PRKCE: variants seen among roughly 807,000 people sequenced by gnomAD.
PRKCE encodes the protein protein kinase C epsilon, also known as protein kinase C epsilon type.
PRKCE carries 16 observed loss-of-function variants against 85.4 expected under a neutral mutation model. That is an observed-to-expected ratio of 0.19 (90% confidence interval 0.13 to 0.28). PRKCE has a LOEUF of 0.28. PRKCE is among the 10% of genes least tolerant of loss of function. PRKCE has a pLI of 1.00. For missense variants in PRKCE, 573 were observed against 975.2 expected, an observed-to-expected ratio of 0.59 and a Z score of 5.49; for synonymous variants, 388 against 371.5, an observed-to-expected ratio of 1.04 and a Z score of -0.51.
chr2:45,879,244 C>T (rs1410116512), intron 2 of PRKCE, among the ~76,000 whole-genome samples: 5 of 152,166 alleles, frequency 3.3e-5, no homozygotes, highest in African/African-American at 7.2e-5. Context: ...GGCGGGACTT[C>T]GAAGAAGAGT....
chr2:45,983,356 T>G (rs1470268388), intron 5 of PRKCE, among the ~76,000 whole-genome samples: 1 of 152,110 alleles, frequency 6.6e-6, no homozygotes, highest in Non-Finnish European at 1.5e-5. Context: ...GCCAGCCACT[T>G]CCTAATCCCC....
chr2:46,148,679 G>A (rs530687990), intron 12 of PRKCE, among the ~76,000 whole-genome samples: 1 of 152,358 alleles, frequency 6.6e-6, no homozygotes, highest in South Asian at 2.1e-4. Context: ...ACAGCACTGG[G>A]CTCAGTAGCA....
At chr2:45,657,588 A>G (rs985879322) in intron 1 of PRKCE, among the ~76,000 whole-genome samples, 3 of 152,174 alleles carry the variant, frequency 2.0e-5, no homozygotes, top group Non-Finnish European at 4.4e-5. Flanking sequence ...TGATTATTAT[A>G]TAGGCCACGA....
intron 2 of PRKCE, among the ~76,000 whole-genome samples, chr2:45,844,629 G>A (rs912670338): frequency 8.5e-5 from 13 of 152,172 alleles, no homozygotes; most frequent in Non-Finnish European, 4.4e-5. Flanking sequence ...AGACACTGGC[G>A]AAACATTTGA....
At chr2:46,069,882 C>G (rs1667931345) in intron 10 of PRKCE, among the ~76,000 whole-genome samples, 2 of 152,146 alleles carry the variant, frequency 1.3e-5, no homozygotes, top group Non-Finnish European at 2.9e-5. Flanking sequence ...CCCTTATTTC[C>G]TAAGCTGGGA....
chr2:46,171,667 A>G (rs1384647117), intron 14 of PRKCE, among the ~76,000 whole-genome samples: 3 of 152,174 alleles, frequency 2.0e-5, no homozygotes, highest in African/African-American at 4.8e-5. Flanking sequence ...ATGTGATCAC[A>G]GCACTCTCCT....
intron 1 of PRKCE, among the ~76,000 whole-genome samples, chr2:45,665,712 A>C (rs1173844432): frequency 1.3e-5 from 2 of 152,164 alleles, no homozygotes; most frequent in Non-Finnish European, 2.9e-5. Context: ...TTTTTTCTAT[A>C]GATATGTCCT....
chr2:45,892,439 A>C (rs1224826780), intron 2 of PRKCE, among the ~76,000 whole-genome samples: 1 of 152,036 alleles, frequency 6.6e-6, no homozygotes, highest in African/African-American at 2.4e-5. Flanking sequence ...AATAACTAGG[A>C]ACAGGAAAAG....
chr2:45,750,413 G>GCA (rs1683461471), intron 1 of PRKCE, among the ~76,000 whole-genome samples: 1 of 152,176 alleles, frequency 6.6e-6, no homozygotes, highest in African/African-American at 2.4e-5. Context: ...GTTGATTTAA[G>GCA]CACTTATAGT....
At chr2:45,997,488 T>G (rs1007169881) in intron 6 of PRKCE, among the ~76,000 whole-genome samples, 1 of 152,090 alleles carries the variant, frequency 6.6e-6, no homozygotes, top group African/African-American at 2.4e-5. Context: ...GCACTGCTTT[T>G]GCTATATCCC....
intron 10 of PRKCE, among the ~76,000 whole-genome samples, chr2:46,081,648 C>T (rs189868373): frequency 5.3e-5 from 8 of 152,234 alleles, no homozygotes; most frequent in African/African-American, 1.2e-4. Flanking sequence ...GAGAAGAAAA[C>T]GTTCCAGGCA....
chr2:45,838,560 C>G (rs1553426834), intron 1 of PRKCE, among the ~76,000 whole-genome samples: 1 of 152,068 alleles, frequency 6.6e-6, no homozygotes, highest in Non-Finnish European at 1.5e-5. Flanking sequence ...CCCCGGGTTT[C>G]CCCCAGAAAG....
intron 1 of PRKCE, among the ~76,000 whole-genome samples, chr2:45,728,024 G>T (rs190427007): frequency 1.6e-3 from 237 of 152,300 alleles, no homozygotes; most frequent in Non-Finnish European, 2.3e-3. Context: ...CTTAAACCAG[G>T]CTGAGGGAGA....
intron 1 of PRKCE, among the ~76,000 whole-genome samples, chr2:45,785,970 C>T (rs1175816180): frequency 6.6e-6 from 1 of 152,088 alleles, no homozygotes; most frequent in African/African-American, 2.4e-5. Context: ...GCTGCTGAGA[C>T]CCAGAACCTT....
At chr2:46,093,959 A>AT (rs967510485) in intron 11 of PRKCE, among the ~76,000 whole-genome samples, 74 of 151,966 alleles carry the variant, frequency 4.9e-4, no homozygotes, top group African/African-American at 1.7e-3. Flanking sequence ...TTCCCAGTGC[A>AT]TTTTTTTTGT....
intron 3 of PRKCE, 38 bp downstream of exon 3, chr2:45,976,626 T>G (rs1448868552): frequency 6.3e-7 from 1 of 1,590,452 alleles, no homozygotes; most frequent in Non-Finnish European, 8.5e-7. Context: ...TTACAACATC[T>G]CTGTTACAAG....
At chr2:45,787,124 C>T (rs1032283126) in intron 1 of PRKCE, among the ~76,000 whole-genome samples, 1 of 152,166 alleles carries the variant, frequency 6.6e-6, no homozygotes, top group Non-Finnish European at 1.5e-5. Context: ...AGTGAGGTGT[C>T]CCCCCAAGCT....
At chr2:46,040,683 G>C (rs573702813) in intron 10 of PRKCE, among the ~76,000 whole-genome samples, 1 of 152,180 alleles carries the variant, frequency 6.6e-6, no homozygotes, top group African/African-American at 2.4e-5. Context: ...CTGAGCTAGA[G>C]TTTAGAATTT....
intron 12 of PRKCE, among the ~76,000 whole-genome samples, chr2:46,149,926 G>A (rs1676450604): frequency 6.6e-6 from 1 of 150,426 alleles, no homozygotes; most frequent in Non-Finnish European, 1.5e-5. Context: ...GCATGATTAT[G>A]ACTCACTACA....
Sources: allele counts gnomAD v4.1 joint callset (sites outside exome capture counted in the v4.1 genomes callset), GRCh38; gene constraint gnomAD v4.1.1; transcripts MANE v1.5; gene names NCBI Gene and HGNC (gene_info 2026-07-23, HGNC 2026-07-21).